Variants in JAKMIP1 observed in about 807,000 individuals in gnomAD.
The protein encoded by JAKMIP1 is janus kinase and microtubule interacting protein 1, also known as janus kinase and microtubule-interacting protein 1.
Under a neutral mutation model 113.0 loss-of-function variants are expected in JAKMIP1, and 33 were observed. That is an observed-to-expected ratio of 0.29 (90% CI 0.22 to 0.39). The LOEUF (loss-of-function observed/expected upper bound fraction) is 0.39, where lower values mean the gene tolerates loss of function less well. Among genes scored for constraint, JAKMIP1 ranks in the 10% least tolerant of loss-of-function variants. The pLI is 1.00. For synonymous variants in JAKMIP1, 480 were observed against 459.9 expected, an observed-to-expected ratio of 1.04 and a Z score of -0.56; for missense variants, 813 against 1,080.5, an observed-to-expected ratio of 0.75 and a Z score of 3.47.
intron 12 of JAKMIP1, among the ~76,000 whole-genome samples, chr4:6,056,221 G>A (rs1716427773): frequency 7.0e-6 from 1 of 142,206 alleles, no homozygotes; most frequent in Admixed American, 7.1e-5. Flanking sequence ...GGTGTCCCCA[G>A]AGGAGAGAAC....
At chr4:6,109,299 A>T (rs964487779) in intron 2 of JAKMIP1, among the ~76,000 whole-genome samples, 2 of 151,540 alleles carry the variant, frequency 1.3e-5, no homozygotes, top group Non-Finnish European at 2.9e-5. Context: ...CGCCCGGCTA[A>T]TTTTTTTATA....
chr4:6,059,894 GGCATT>G lies in JAKMIP1; in HGVS notation c.1644+525_1644+529del, dbSNP rs372298157. On this transcript the variant is annotated intron_variant, in intron 11 of 20. Transcript: ENST00000409021. The surrounding 1 kb of genome is among the most constrained non-coding windows in gnomAD (Gnocchi z 4.8). Reference sequence around the variant, plus strand: ...ACTCCAGGGGACAGGTCTAGGCCCAGGCATTGCTTTTCTGCTGTGTCTCACTGTCA... The same window carrying G: ...ACTCCAGGGGACAGGTCTAGGCCCAGGCTTTTCTGCTGTGTCTCACTGTCA... Among the ~76,000 whole-genome samples the G allele has an allele frequency of 7.3e-3, 1,116 of 152,198 alleles. 10 individuals carry two copies. Among genetic ancestry groups the G allele is most frequent in the African/African-American group, 0.022 (906 of 41,532 alleles).
chr4:6,081,396 T>G lies in JAKMIP1; in HGVS notation c.1101+213A>C, dbSNP rs1374525692. 6.6e-6 allele frequency among the ~76,000 whole-genome samples: 1 copy of G among 152,184 alleles called. No individual in the cohort carries two copies. Among genetic ancestry groups the G allele is most frequent in the Non-Finnish European group, 1.5e-5 (1 of 68,026 alleles). ...GGATGTGTTTAAGGACACAGCTGTC[T>G]GACTCCCTCTGGGCACAAACACCCA... On this transcript the variant is annotated intron_variant, in intron 6 of 20. Coordinates refer to ENST00000409021, the MANE Select transcript of JAKMIP1 (RefSeq NM_001099433.2). The surrounding 1 kb of genome is among the most constrained non-coding windows in gnomAD (Gnocchi z 4.6).
intron 1 of JAKMIP1, among the ~76,000 whole-genome samples, chr4:6,151,022 A>ATGTGACCT (rs1721511557): frequency 6.6e-6 from 1 of 151,928 alleles, no homozygotes; most frequent in Non-Finnish European, 1.5e-5. Flanking sequence ...TTTGGCTTCT[A>ATGTGACCT]TGTGACCTTG....
At chr4:6,027,848 G>A (rs1712065985) in intron 20 of JAKMIP1, among the ~76,000 whole-genome samples, 1 of 152,194 alleles carries the variant, frequency 6.6e-6, no homozygotes, top group Non-Finnish European at 1.5e-5. Context: ...CAGCAAGGAT[G>A]ACCTTGGGCA....
At position 6,158,497 on chromosome 4, in the gene JAKMIP1, A is replaced by C. The variant is rs1399318877; in HGVS notation, c.-148+41756T>G. 6.6e-6 allele frequency among the ~76,000 whole-genome samples: 1 copy of C among 152,138 alleles called. No individual in the cohort carries two copies. Among genetic ancestry groups the C allele is most frequent in the African/African-American group, 2.4e-5 (1 of 41,432 alleles). ...GAGAGCAAATTTTGGAGTAAAATAA[A>C]GGGCTGGGGCTTGGGTTTGAAGTCA... is the stretch of plus-strand genomic sequence containing the variant. On this transcript the variant is annotated intron_variant, in intron 1 of 20. Coordinates refer to ENST00000409021, the MANE Select transcript of JAKMIP1 (RefSeq NM_001099433.2). This position sits in a 1 kb window ranked among gnomAD's most constrained non-coding sequence, Gnocchi z 5.3.
rs1453299156 is a variant in JAKMIP1 at position 6,049,958 on chromosome 4, C to A, written c.1909-86G>T. The A allele has an allele frequency of 6.8e-6, 6 of 887,974 alleles. No homozygotes were observed. The East Asian group carries it at 1.5e-4, about 22-fold the overall frequency. 55.0% of individuals were successfully genotyped at this position (887,974 alleles called of 1,614,324 possible). On this transcript the variant is annotated intron_variant, in intron 14 of 20. Coordinates refer to ENST00000409021, the MANE Select transcript of JAKMIP1 (RefSeq NM_001099433.2). The surrounding 1 kb of genome is among the most constrained non-coding windows in gnomAD (Gnocchi z 7.0). The stretch of plus-strand genomic sequence containing the variant: ...CTAGGGCCACGGCCTTTCCTCTGGA[C>A]AAGACACCGCGCTCTTTCTTTTCTT...
chr4:6,101,636 T>G (rs1469274587), intron 3 of JAKMIP1, among the ~76,000 whole-genome samples: 1 of 149,910 alleles, frequency 6.7e-6, no homozygotes, highest in African/African-American at 2.5e-5. Flanking sequence ...TCTGTAATCC[T>G]AGCACTTTGG....
At chr4:6,145,234 T>C (rs1720692131) in intron 1 of JAKMIP1, among the ~76,000 whole-genome samples, 1 of 152,188 alleles carries the variant, frequency 6.6e-6, no homozygotes, top group African/African-American at 2.4e-5. Context: ...TGCAAGGCAC[T>C]GAACCAGGCC....
At position 6,077,012 on chromosome 4, in the gene JAKMIP1, C is replaced by A. The variant is rs190667594; in HGVS notation, c.1302+1927G>T. On this transcript the variant is annotated intron_variant, in intron 8 of 20. Transcript: ENST00000409021. ...TGGATTTTGGATTACGGATGTTCAA[C>A]CTGTATTTGGACATATAAAATTACA... Among the ~76,000 whole-genome samples, 356 of 152,208 alleles carry A rather than the reference C, an allele frequency of 2.3e-3. 1 individual carries two copies. The highest frequency in any genetic ancestry group is 8.2e-3 in the African/African-American group (340 of 41,522).
intron 19 of JAKMIP1, among the ~76,000 whole-genome samples, chr4:6,033,897 C>T (rs1477141974): frequency 6.6e-6 from 1 of 152,130 alleles, no homozygotes; most frequent in African/African-American, 2.4e-5. Flanking sequence ...CAATAGTTAA[C>T]CCTCAGGGGA....
At position 6,061,966 on chromosome 4, in the gene JAKMIP1, G is replaced by T. The variant is rs1466505344; in HGVS notation, c.1560+346C>A. ...TGGATGTCCTGGAGGGCGGGGGGCT[G>T]GCAGCCCTGGAGGGAGCGGAGCCTG... is the stretch of plus-strand genomic sequence containing the variant. On this transcript the variant is annotated intron_variant, in intron 10 of 20. Transcript: ENST00000409021. This position sits in a 1 kb window ranked among gnomAD's most constrained non-coding sequence, Gnocchi z 5.3. 6.6e-6 allele frequency among the ~76,000 whole-genome samples: 1 copy of T among 152,194 alleles called. No individual in the cohort carries two copies. Among genetic ancestry groups the T allele is most frequent in the African/African-American group, 2.4e-5 (1 of 41,452 alleles).
Position 6,029,796 on chromosome 4 carries a change from G to C in JAKMIP1, c.2380-15C>G, listed in dbSNP as rs1183124125. 6.3e-7 allele frequency: 1 copy of C among 1,579,308 alleles called. No homozygotes were observed. The highest frequency in any genetic ancestry group is 1.7e-5 in the Admixed American group (1 of 57,262). On this transcript the variant is annotated splice_polypyrimidine_tract_variant and intron_variant, in intron 19 of 20. Coordinates refer to ENST00000409021, the MANE Select transcript of JAKMIP1 (RefSeq NM_001099433.2). ...TCTCGGATTCTCTGAAATACACCAG[G>C]TTACGTGTCAGAAAAAGTAAGTTTT...
rs1721053530 is a variant in JAKMIP1 at position 6,084,862 on chromosome 4, T to G, written c.938A>C (p.Asp313Ala). The G allele has an allele frequency of 2.5e-6, 4 of 1,609,706 alleles. No homozygotes were observed. The highest frequency in any genetic ancestry group is 3.4e-6 in the Non-Finnish European group (4 of 1,178,838). ...KLEDRNTLLA[D>A]ERNELLKRSR... Reference sequence around the variant, plus strand: ...GCTACTTACCAGTTCATTCCTCTCATCTGCCAACAGCGTATTTCTGTCTTC... The same window carrying G: ...GCTACTTACCAGTTCATTCCTCTCAGCTGCCAACAGCGTATTTCTGTCTTC... Residue 313 changes from aspartate to alanine, a missense_variant, in exon 5 of 21, where the codon GAT (aspartate) becomes GCT (alanine). Transcript: ENST00000409021.
At position 6,158,179 on chromosome 4, in the gene JAKMIP1, C is replaced by T. The variant is rs1560292868; in HGVS notation, c.-148+42074G>A. 2.0e-5 allele frequency among the ~76,000 whole-genome samples: 3 copies of T among 152,186 alleles called. No individual in the cohort carries two copies. The highest frequency in any genetic ancestry group is 7.2e-5 in the African/African-American group (3 of 41,440). On this transcript the variant is annotated intron_variant, in intron 1 of 20. Transcript: ENST00000409021. The surrounding 1 kb of genome is among the most constrained non-coding windows in gnomAD (Gnocchi z 5.3). ...ACGGATCGCCTCACAGTGTGGAGGG[C>T]AGACCATGCTGTAGGTCATGCAGTG...
intron 1 of JAKMIP1, among the ~76,000 whole-genome samples, chr4:6,166,672 C>G (rs1323334425): frequency 6.6e-6 from 1 of 152,254 alleles, no homozygotes; most frequent in East Asian, 1.9e-4. Flanking sequence ...TGTGAATCTT[C>G]TCTATCATGG....
chr4:6,169,605 G>T (rs1468023810), intron 1 of JAKMIP1, among the ~76,000 whole-genome samples: 1 of 48,964 alleles, frequency 2.0e-5, no homozygotes, highest in Non-Finnish European at 4.7e-5. Flanking sequence ...CTAGGAAATT[G>T]TGTGTGTGTG....
Position 6,187,898 on chromosome 4 carries a change from C to A in JAKMIP1, c.-148+12355G>T, listed in dbSNP as rs1042091692. 3.3e-5 allele frequency among the ~76,000 whole-genome samples: 5 copies of A among 152,160 alleles called. No individual in the cohort carries two copies. The highest frequency in any genetic ancestry group is 1.2e-4 in the African/African-American group (5 of 41,430). On this transcript the variant is annotated intron_variant, in intron 1 of 20. Transcript: ENST00000409021. This position sits in a 1 kb window ranked among gnomAD's most constrained non-coding sequence, Gnocchi z 4.2. ...ATTTTATTTTGTTTTCAATATGCCT[C>A]ACGTCATTTTTGCTCCTTTATTCTT...
chr4:6,102,180 T>C (rs914540186), intron 3 of JAKMIP1, among the ~76,000 whole-genome samples: 1 of 152,220 alleles, frequency 6.6e-6, no homozygotes, highest in East Asian at 1.9e-4. Context: ...CATTTTCTAA[T>C]TGTTCACTGC....
Sources: allele counts gnomAD v4.1 joint callset (sites outside exome capture counted in the v4.1 genomes callset), GRCh38; gene constraint gnomAD v4.1.1; non-coding constraint Gnocchi (gnomAD v3.1); transcripts MANE v1.5; gene names NCBI Gene and HGNC (gene_info 2026-07-23, HGNC 2026-07-21).